GABBR2: variants seen among roughly 807,000 people sequenced by gnomAD.
GABBR2 encodes gamma-aminobutyric acid type B receptor subunit 2.
In GABBR2, 23 loss-of-function variants were observed where a neutral mutation model predicts 105.6. The observed-to-expected ratio is 0.22, with a 90% CI of 0.16 to 0.31. The LOEUF (loss-of-function observed/expected upper bound fraction) is 0.31, where lower values mean the gene tolerates loss of function less well. Among genes scored for constraint, GABBR2 ranks in the 10% least tolerant of loss-of-function variants. The pLI is 1.00. For synonymous variants in GABBR2, 478 were observed against 499.7 expected, an observed-to-expected ratio of 0.96 and a Z score of 0.58; for missense variants, 734 against 1,245.5, an observed-to-expected ratio of 0.59 and a Z score of 6.18.
intron 12 of GABBR2, among the ~76,000 whole-genome samples, chr9:98,367,898 A>C (rs1831709889): frequency 6.6e-6 from 1 of 152,178 alleles, no homozygotes; most frequent in Non-Finnish European, 1.5e-5. Flanking sequence ...TTTTTTACAT[A>C]ACCAAGTTGG....
At chr9:98,323,426 C>T (rs1306148916) in intron 13 of GABBR2, among the ~76,000 whole-genome samples, 1 of 152,252 alleles carries the variant, frequency 6.6e-6, no homozygotes, top group Non-Finnish European at 1.5e-5. Context: ...GGGCAGCCCT[C>T]TTCCCCATAG....
In GABBR2 at chr9:98,514,164, A is replaced by G. The variant is rs1202460045; in HGVS notation, c.631-17650T>C. On this transcript the variant is annotated intron_variant, in intron 3 of 18. Transcript: ENST00000259455. ...TAAACTATCGCAAGAACAAAAAACC[A>G]AACACCGCATATTCTCACTCATAGG... Among the ~76,000 whole-genome samples the G allele has an allele frequency of 4.5e-5, 6 of 133,166 alleles. No homozygotes were observed. In the South Asian group the frequency reaches 1.2e-3, roughly 26 times the overall value. The allele number at this position is 133,166 out of a possible 152,430, so 87.4% of individuals were successfully genotyped here. A position where few individuals can be genotyped will look rare whatever the true frequency, so the allele number is the denominator to read the frequency against.
chr9:98,335,382 T>C (rs1831095741), intron 13 of GABBR2, among the ~76,000 whole-genome samples: 1 of 152,168 alleles, frequency 6.6e-6, no homozygotes, highest in South Asian at 2.1e-4. Flanking sequence ...TTTCTAGTCG[T>C]AAAAATTTAT....
At chr9:98,318,029 G>A (rs761636381) in intron 13 of GABBR2, among the ~76,000 whole-genome samples, 7 of 152,308 alleles carry the variant, frequency 4.6e-5, no homozygotes, top group Admixed American at 1.3e-4. Flanking sequence ...GGAAGAGCAC[G>A]CATGGCAGAA....
rs1415984050 is a variant in GABBR2 at position 98,318,935 on chromosome 9, T to G, written c.1894-7730A>C. On this transcript the variant is annotated intron_variant, in intron 13 of 18. Coordinates refer to ENST00000259455, the MANE Select transcript of GABBR2 (RefSeq NM_005458.8). ...TGTGTTGGGGGTGTGTGTGTGTGTGTGGTGTGTGTGTATTAGGGGGTGTGT... is the reference window on the plus strand; with the variant it reads ...TGTGTTGGGGGTGTGTGTGTGTGTGGGGTGTGTGTGTATTAGGGGGTGTGT... Among the ~76,000 whole-genome samples the G allele has an allele frequency of 2.0e-5, 3 of 150,042 alleles. No individual in the cohort carries two copies. The East Asian group carries it at 5.9e-4, about 30-fold the overall frequency.
At chr9:98,673,189 G>A (rs1239503434) in intron 1 of GABBR2, among the ~76,000 whole-genome samples, 1 of 152,170 alleles carries the variant, frequency 6.6e-6, no homozygotes, top group Non-Finnish European at 1.5e-5. Context: ...AAAATATCCA[G>A]GGAAGATGTG....
rs373871172 is a variant in GABBR2 at position 98,347,985 on chromosome 9, C to A, written c.1893+14730G>T. On this transcript the variant is annotated intron_variant, in intron 13 of 18. Coordinates refer to ENST00000259455, the MANE Select transcript of GABBR2 (RefSeq NM_005458.8). Reference sequence around the variant, plus strand: ...CTTGCCTGCCACCATTTAAGATGTGCCTTTGATTCTCCTTTTCCTTCCACC... The same window carrying A: ...CTTGCCTGCCACCATTTAAGATGTGACTTTGATTCTCCTTTTCCTTCCACC... Among the ~76,000 whole-genome samples, 44 of 152,328 alleles carry A rather than the reference C, an allele frequency of 2.9e-4. No individual in the cohort carries two copies. In the South Asian group the frequency reaches 7.7e-3, roughly 27 times the overall value.
At chr9:98,481,419 G>A (rs1826919831) in intron 4 of GABBR2, among the ~76,000 whole-genome samples, 1 of 152,184 alleles carries the variant, frequency 6.6e-6, no homozygotes, top group Non-Finnish European at 1.5e-5. Context: ...AGCTTCTAAG[G>A]CCCCTGGGGA....
intron 7 of GABBR2, among the ~76,000 whole-genome samples, chr9:98,411,118 G>A (rs1489059667): frequency 3.9e-5 from 6 of 152,152 alleles, no homozygotes; most frequent in Non-Finnish European, 8.8e-5. Flanking sequence ...ATCACAGAAG[G>A]GAAAGTTCCA....
intron 7 of GABBR2, among the ~76,000 whole-genome samples, chr9:98,440,758 G>A (rs1826017863): frequency 2.0e-5 from 3 of 152,224 alleles, no homozygotes; most frequent in African/African-American, 7.2e-5. Context: ...CACATCGAGT[G>A]TGTGTGAGTA....
At chr9:98,598,115 G>A (rs541109752) in intron 1 of GABBR2, among the ~76,000 whole-genome samples, 6 of 152,282 alleles carry the variant, frequency 3.9e-5, no homozygotes, top group East Asian at 1.9e-4. Context: ...GAGCCACTGC[G>A]CCCAGCCTAC....
intron 3 of GABBR2, among the ~76,000 whole-genome samples, chr9:98,517,308 C>T (rs1038181559): frequency 6.6e-6 from 1 of 152,174 alleles, no homozygotes; most frequent in Admixed American, 6.6e-5. Context: ...TTCACCCAGT[C>T]CCACCTTTCC....
intron 11 of GABBR2, among the ~76,000 whole-genome samples, chr9:98,373,851 C>CTTTTTTTTTTT (rs577915397): frequency 3.5e-5 from 3 of 86,690 alleles, no homozygotes; most frequent in African/African-American, 9.8e-5. Context: ...CAAAGCATTC[C>CTTTTTTTTTTT]TTTTTTTTTT....
intron 1 of GABBR2, among the ~76,000 whole-genome samples, chr9:98,654,546 G>A (rs2131848267): frequency 6.6e-6 from 1 of 152,348 alleles, no homozygotes; most frequent in South Asian, 2.1e-4. Context: ...ACAAGCGGAT[G>A]GGTGCTGTGG....
chr9:98,543,244 T>C (rs1828337416), intron 2 of GABBR2, among the ~76,000 whole-genome samples: 1 of 152,088 alleles, frequency 6.6e-6, no homozygotes. Flanking sequence ...GTTATCAAAG[T>C]TTTTGATCTT....
intron 12 of GABBR2, among the ~76,000 whole-genome samples, chr9:98,364,740 A>G (rs1417838738): frequency 6.6e-6 from 1 of 151,940 alleles, no homozygotes; most frequent in Non-Finnish European, 1.5e-5. Context: ...AGCTGGGATT[A>G]CAGGCATGTG....
Position 98,496,408 on chromosome 9 carries a change from C to A in GABBR2, c.732+5G>T, listed in dbSNP as rs1178244073. Reference sequence around the variant, plus strand: ...GCCATTCACCCTGTGGCTAGCCACACCTACCTTCAGCTTTTTGACACTGGT... The same window carrying A: ...GCCATTCACCCTGTGGCTAGCCACAACTACCTTCAGCTTTTTGACACTGGT... On this transcript the variant is annotated splice_donor_5th_base_variant and intron_variant, in intron 4 of 18. Coordinates refer to ENST00000259455, the MANE Select transcript of GABBR2 (RefSeq NM_005458.8). The A allele has an allele frequency of 1.3e-6, 2 of 1,583,254 alleles. No individual in the cohort carries two copies. The highest frequency in any genetic ancestry group is 3.3e-5 in the Admixed American group (2 of 59,972).
At chr9:98,503,592 G>C (rs375862361) in intron 3 of GABBR2, among the ~76,000 whole-genome samples, 1 of 152,078 alleles carries the variant, frequency 6.6e-6, no homozygotes, top group South Asian at 2.1e-4. Flanking sequence ...AGAAGTGATC[G>C]GCTTGGGGGT....
chr9:98,580,516 G>A (rs536349320), intron 1 of GABBR2, among the ~76,000 whole-genome samples: 5 of 152,324 alleles, frequency 3.3e-5, no homozygotes, highest in Non-Finnish European at 7.3e-5. Context: ...GGCCAGGCGC[G>A]AAGGCTCACG....
Sources: gnomAD v4.1 joint callset for allele counts (sites outside exome capture counted in the v4.1 genomes callset) on GRCh38, gnomAD v4.1.1 for gene constraint, MANE v1.5 for transcripts, NCBI Gene and HGNC (gene_info 2026-07-23, HGNC 2026-07-21) for gene names.